The following PXK variants were observed in gnomAD, a reference collection of about 807,000 sequenced individuals.
The protein encoded by PXK is PX domain containing serine/threonine kinase like.
Under a neutral mutation model 84.7 loss-of-function variants are expected in PXK, and 35 were observed. The ratio of observed to expected loss-of-function variants is 0.41; its 90% CI spans 0.32 to 0.55. The LOEUF (loss-of-function observed/expected upper bound fraction) is 0.55. PXK is among the 20% of genes least tolerant of loss of function. The pLI is 0.21. For synonymous variants in PXK, 253 were observed against 260.8 expected, an observed-to-expected ratio of 0.97 and a Z score of 0.29; for missense variants, 634 against 699.7, an observed-to-expected ratio of 0.91 and a Z score of 1.06.
At position 58,409,088 on chromosome 3, in the gene PXK, C is replaced by G; in HGVS notation, c.1308+87C>G. On this transcript the variant is annotated intron_variant, in intron 14 of 17. Coordinates refer to ENST00000356151, the MANE Select transcript of PXK (RefSeq NM_017771.5). The surrounding 1 kb of genome is among the most constrained non-coding windows in gnomAD (Gnocchi z 4.2). ...AGTGATTGACCTTTGACTGTTCCCTCTGCAAATATTTTAAGCATACTTACT... is the reference window on the plus strand; with the variant it reads ...AGTGATTGACCTTTGACTGTTCCCTGTGCAAATATTTTAAGCATACTTACT... The G allele has an allele frequency of 1.0e-6, 1 of 1,001,274 alleles. No individual in the cohort carries two copies. The highest frequency in any genetic ancestry group is 1.5e-6 in the Non-Finnish European group (1 of 655,198). 62.0% of individuals were successfully genotyped at this position (1,001,274 alleles called of 1,614,324 possible).
chr3:58,372,032 A>G (rs2108552791), intron 3 of PXK, among the ~76,000 whole-genome samples: 1 of 152,346 alleles, frequency 6.6e-6, no homozygotes, highest in South Asian at 2.1e-4. Flanking sequence ...GAGAAATATA[A>G]TACACATATG....
At position 58,383,384 on chromosome 3, in the gene PXK, A is replaced by G. The variant is rs564455727; in HGVS notation, c.388+684A>G. On this transcript the variant is annotated intron_variant, in intron 4 of 17. Transcript: ENST00000356151. This position sits in a 1 kb window ranked among gnomAD's most constrained non-coding sequence, Gnocchi z 4.0. ...CTCTAATCAACACCTTATACATACA[A>G]TAATCTTAATCTGATTTGTATTTGG... Among the ~76,000 whole-genome samples, 9 of 152,310 alleles carry G rather than the reference A, an allele frequency of 5.9e-5. No homozygotes were observed. The highest frequency in any genetic ancestry group is 1.9e-4 in the East Asian group (1 of 5,186).
rs768962575 is a variant in PXK at position 58,398,226 on chromosome 3, C to T, written c.1102+504C>T. Among the ~76,000 whole-genome samples, 4 of 152,148 alleles carry T rather than the reference C, an allele frequency of 2.6e-5. 1 individual carries two copies. Among genetic ancestry groups the T allele is most frequent in the African/African-American group, 4.8e-5 (2 of 41,418 alleles). On this transcript the variant is annotated intron_variant, in intron 11 of 17. Coordinates refer to ENST00000356151, the MANE Select transcript of PXK (RefSeq NM_017771.5). This position sits in a 1 kb window ranked among gnomAD's most constrained non-coding sequence, Gnocchi z 4.5. ...GACCAGCCTGGCCAACATAATGAAA[C>T]CCCATCTGTACTAAAATTACAAAAA...
chr3:58,414,156 TG>T lies in PXK; in HGVS notation c.1528+1194del, dbSNP rs1476390519. 5 of 138,922 alleles carry T rather than the reference TG, an allele frequency of 3.6e-5. No individual in the cohort carries two copies. The highest frequency in any genetic ancestry group is 8.5e-5 in the Non-Finnish European group (5 of 58,822). 8.6% of individuals were successfully genotyped at this position (138,922 alleles called of 1,614,324 possible). ...TTTTATGGAGATACACTGTTTAGGC[TG>T]ATCAGAAATGTCTGGTGATCTACTG... On this transcript the variant is annotated intron_variant, in intron 17 of 17. Transcript: ENST00000356151. This position sits in a 1 kb window ranked among gnomAD's most constrained non-coding sequence, Gnocchi z 4.5.
rs2059810711 is a variant in PXK at position 58,409,110 on chromosome 3, T to TA, written c.1308+110dup. On this transcript the variant is annotated intron_variant, in intron 14 of 17. Coordinates refer to ENST00000356151, the MANE Select transcript of PXK (RefSeq NM_017771.5). The surrounding 1 kb of genome is among the most constrained non-coding windows in gnomAD (Gnocchi z 4.2). ...CCTCTGCAAATATTTTAAGCATACTTACTCTCAGCCAGCCTTTAGGCTAAA... is the reference window on the plus strand; with the variant it reads ...CCTCTGCAAATATTTTAAGCATACTTAACTCTCAGCCAGCCTTTAGGCTAAA... The TA allele has an allele frequency of 1.2e-6, 1 of 831,926 alleles. No homozygotes were observed. The highest frequency in any genetic ancestry group is 1.9e-6 in the Non-Finnish European group (1 of 519,698). 51.5% of individuals were successfully genotyped at this position (831,926 alleles called of 1,614,324 possible).
At chr3:58,362,294 T>C (rs927484366) in intron 1 of PXK, among the ~76,000 whole-genome samples, 1 of 152,228 alleles carries the variant, frequency 6.6e-6, no homozygotes, top group Non-Finnish European at 1.5e-5. Flanking sequence ...CCCAGATTTT[T>C]CTCTCCTATT....
chr3:58,409,737 G>C lies in PXK; in HGVS notation c.1395+119G>C. The C allele has an allele frequency of 2.4e-6, 2 of 830,448 alleles. No individual in the cohort carries two copies. Among genetic ancestry groups the C allele is most frequent in the East Asian group, 2.7e-5 (1 of 36,530 alleles). The allele number at this position is 830,448 out of a possible 1,614,324, so 51.4% of individuals were successfully genotyped here. On this transcript the variant is annotated intron_variant, in intron 15 of 17. Coordinates refer to ENST00000356151, the MANE Select transcript of PXK (RefSeq NM_017771.5). The surrounding 1 kb of genome is among the most constrained non-coding windows in gnomAD (Gnocchi z 4.2). ...TGTGCTATATCTCCTTGAAAGCTAA[G>C]ACTATTTCCAGATGACTGGGGTGCA...
chr3:58,421,284 A>G lies in PXK; in HGVS notation c.1529-3468A>G. 2.0e-6 allele frequency: 2 copies of G among 985,314 alleles called. No homozygotes were observed. Among genetic ancestry groups the G allele is most frequent in the Non-Finnish European group, 2.4e-6 (2 of 829,904 alleles). The allele number at this position is 985,314 out of a possible 1,614,324, so 61.0% of individuals were successfully genotyped here. ...TGCTGGCTGCTAACATGGGCCTAAG[A>G]GTCGGTGGGGAAGGGAGCCAGGCGC... On this transcript the variant is annotated intron_variant, in intron 17 of 17. Coordinates refer to ENST00000356151, the MANE Select transcript of PXK (RefSeq NM_017771.5). This position sits in a 1 kb window ranked among gnomAD's most constrained non-coding sequence, Gnocchi z 5.5.
chr3:58,357,903 TCATGCCACTG>T (rs1248980760), intron 1 of PXK, among the ~76,000 whole-genome samples: 55 of 151,906 alleles, frequency 3.6e-4, no homozygotes, highest in African/African-American at 9.0e-4. Flanking sequence ...TGAAGTGAGA[TCATGCCACTG>T]CATGCCACTG....
intron 1 of PXK, among the ~76,000 whole-genome samples, chr3:58,365,195 A>G (rs186070905): frequency 6.6e-6 from 1 of 152,034 alleles, no homozygotes; most frequent in African/African-American, 2.4e-5. Context: ...GTGTCCCACA[A>G]ATTTTGATAT....
intron 13 of PXK, among the ~76,000 whole-genome samples, chr3:58,405,073 A>C (rs1316771373): frequency 6.6e-6 from 1 of 152,206 alleles, no homozygotes; most frequent in African/African-American, 2.4e-5. Flanking sequence ...CTCTTCCCCT[A>C]AGCCAGAGAG....
At chr3:58,342,882 T>A (rs1017059832) in intron 1 of PXK, among the ~76,000 whole-genome samples, 1 of 152,192 alleles carries the variant, frequency 6.6e-6, no homozygotes, top group Admixed American at 6.5e-5. Flanking sequence ...AGATGACTTA[T>A]TAGACAGTGG....
chr3:58,425,699 A>G lies in PXK; in HGVS notation c.*739A>G, dbSNP rs888465945. The G allele has an allele frequency of 7.9e-5, 12 of 152,232 alleles. No individual in the cohort carries two copies. Among genetic ancestry groups the G allele is most frequent in the African/African-American group, 2.4e-4 (10 of 41,472 alleles). 9.4% of individuals were successfully genotyped at this position (152,232 alleles called of 1,614,324 possible). ...TAGAGGATCTTCTTAATCCTCAGCA[A>G]TTAAGTTTGGGGTTTGAGGGGGGCA... On this transcript the variant is annotated 3_prime_UTR_variant, in exon 18 of 18. Transcript: ENST00000356151.
intron 7 of PXK, among the ~76,000 whole-genome samples, chr3:58,392,479 C>T (rs55797456): frequency 0.29 from 44,732 of 151,970 alleles, 7,379 homozygotes; most frequent in Middle Eastern, 0.39. Flanking sequence ...GAATCACTAG[C>T]GAACTGAACA....
Position 58,333,456 on chromosome 3 carries a change from C to A in PXK, c.102+366C>A. 2 of 444,726 alleles carry A rather than the reference C, an allele frequency of 4.5e-6. No individual in the cohort carries two copies. 27.5% of individuals were successfully genotyped at this position (444,726 alleles called of 1,614,324 possible). On this transcript the variant is annotated intron_variant, in intron 1 of 17. Transcript: ENST00000356151. The surrounding 1 kb of genome is among the most constrained non-coding windows in gnomAD (Gnocchi z 5.4). ...CGAGACCGCTCAGGACCATCCACTTCTGCCCGCCGCCAGCCTTTTCCTTTT... is the reference window on the plus strand; with the variant it reads ...CGAGACCGCTCAGGACCATCCACTTATGCCCGCCGCCAGCCTTTTCCTTTT...
In PXK at chr3:58,365,862, T is replaced by C. The variant is rs1209322950; in HGVS notation, c.103-12T>C. 1 of 1,543,540 alleles carries C rather than the reference T, an allele frequency of 6.5e-7. No homozygotes were observed. Among genetic ancestry groups the C allele is most frequent in the South Asian group, 1.3e-5 (1 of 79,328 alleles). On this transcript the variant is annotated splice_polypyrimidine_tract_variant and intron_variant, in intron 1 of 17. Transcript: ENST00000356151. The stretch of plus-strand genomic sequence containing the variant: ...TTTATAACTGAGGTTATTCTTCCCT[T>C]CTCTTTTTAAGGAATATATTATTCG...
At chr3:58,373,085 T>TTC in intron 3 of PXK, among the ~76,000 whole-genome samples, 1 of 147,436 alleles carries the variant, frequency 6.8e-6, no homozygotes, top group East Asian at 2.0e-4. Context: ...CGTCATTTCT[T>TTC]TTTTTTTTTT....
rs150310451 is a variant in PXK, at chr3:58,410,170, A to T, written c.1465+11A>T. ...ACTCCAATAATTCAGGTAACTGGTT[A>T]TAGATGGTAGTGGGGCCCAGGACAC... On this transcript the variant is annotated intron_variant, in intron 16 of 17. Coordinates refer to ENST00000356151, the MANE Select transcript of PXK (RefSeq NM_017771.5). The T allele has an allele frequency of 9.3e-5, 146 of 1,561,972 alleles. No homozygotes were observed. The African/African-American group carries it at 1.6e-3, about 17-fold the overall frequency.
At position 58,417,459 on chromosome 3, in the gene PXK, C is replaced by G. The variant is rs370570586; in HGVS notation, c.1528+4496C>G. 9.3e-4 allele frequency among the ~76,000 whole-genome samples: 141 copies of G among 152,226 alleles called. 1 individual carries two copies. Among genetic ancestry groups the G allele is most frequent in the Non-Finnish European group, 1.8e-3 (123 of 68,006 alleles). On this transcript the variant is annotated intron_variant, in intron 17 of 17. Transcript: ENST00000356151. ...TCTAGCAACTATGTAAGGGTTGGGG[C>G]CCCTCCCTTTTCTTACTGTAGCTTC... is the stretch of plus-strand genomic sequence containing the variant.
Sources: allele counts gnomAD v4.1 joint callset (sites outside exome capture counted in the v4.1 genomes callset), GRCh38; gene constraint gnomAD v4.1.1; non-coding constraint Gnocchi (gnomAD v3.1); transcripts MANE v1.5; gene names NCBI Gene and HGNC (gene_info 2026-07-23, HGNC 2026-07-21).